WASHC2C: variants seen among roughly 807,000 people sequenced by gnomAD.
WASHC2C encodes the protein WASH complex subunit 2C, also known as Vaccinia Penetration Factor.
Under a neutral mutation model 142.2 loss-of-function variants are expected in WASHC2C, and 73 were observed. The ratio of observed to expected loss-of-function variants is 0.51; its 90% CI spans 0.43 to 0.62. The LOEUF is 0.62. Among genes scored for constraint, WASHC2C ranks in the 20% least tolerant of loss-of-function variants. WASHC2C has a pLI of 0.00. For synonymous variants in WASHC2C, 337 were observed against 565.5 expected (o/e 0.60, Z 5.73); for missense variants, 969 against 1,531.7 (o/e 0.63, Z 6.13).
intron 20 of WASHC2C, among the ~76,000 whole-genome samples, chr10:45,772,707 C>A (rs1323005861): frequency 6.6e-6 from 1 of 151,862 alleles, no homozygotes; most frequent in Non-Finnish European, 1.5e-5. Context: ...TAGAGTGAGA[C>A]CCTGTCTTAA....
rs2135754095 is a variant in WASHC2C at position 45,786,691 on chromosome 10, A to G, written c.2874+17A>G. 1 of 1,611,820 alleles carries G rather than the reference A, an allele frequency of 6.2e-7. No individual in the cohort carries two copies. The highest frequency in any genetic ancestry group is 1.1e-5 in the South Asian group (1 of 90,982). On this transcript the variant is annotated intron_variant, in intron 27 of 30. Transcript: ENST00000623400. ...AAGATACAAGTAATTAAAACACTGG[A>G]ATCTTCATTGCCTGCCCTGTGGCAT...
At chr10:45,761,911 G>A (rs1554880131) in intron 17 of WASHC2C, among the ~76,000 whole-genome samples, 1 of 152,000 alleles carries the variant, frequency 6.6e-6, no homozygotes. Context: ...AAACCCATGG[G>A]ACTCCGGGGA....
intron 5 of WASHC2C, among the ~76,000 whole-genome samples, chr10:45,742,063 T>G (rs2052140643): frequency 6.6e-6 from 1 of 151,086 alleles, no homozygotes; most frequent in African/African-American, 2.4e-5. Context: ...CCAAAAGTAC[T>G]GGGATTACAG....
chr10:45,785,340 CCA>C (rs1456937010), intron 25 of WASHC2C, among the ~76,000 whole-genome samples, 167 bp from the exon 26 acceptor site: 2 of 152,124 alleles, frequency 1.3e-5, no homozygotes, highest in African/African-American at 4.8e-5. Flanking sequence ...CCTGTGACAG[CCA>C]CAGTCTTCAG....
chr10:45,751,762 G>T (rs1290012323), intron 11 of WASHC2C, among the ~76,000 whole-genome samples: 2 of 152,160 alleles, frequency 1.3e-5, no homozygotes, highest in African/African-American at 4.8e-5. Flanking sequence ...TGGATCATGA[G>T]GTCAGGAGTT....
At position 45,789,341 on chromosome 10, in the gene WASHC2C, G is replaced by C. The variant is rs2058259584; in HGVS notation, c.3558G>C (p.Gln1186His). 6.2e-7 allele frequency: 1 copy of C among 1,611,940 alleles called. No individual in the cohort carries two copies. The highest frequency in any genetic ancestry group is 8.5e-7 in the Non-Finnish European group (1 of 1,179,878). The change falls in exon 29 of 31, where the codon CAG becomes CAC. Residue 1186 changes from glutamine to histidine, a missense_variant. Physicochemically the swap from Gln to His is conservative, Grantham distance 24. Coordinates refer to ENST00000623400, the MANE Select transcript of WASHC2C (RefSeq NM_001330074.2). ...CCAGCAGTGATGATGATCTCTTTCA[G>C]TCTGCTAAACCAAAACCAGCAAAGA... ...GEASSDDDLFQSAKPKPAKKT... is the reference protein window; with the variant it reads ...GEASSDDDLFHSAKPKPAKKT...
intron 27 of WASHC2C, 43 bp downstream of exon 27, chr10:45,786,717 C>G (rs2058070799): frequency 1.2e-6 from 2 of 1,611,510 alleles, no homozygotes; most frequent in East Asian, 4.5e-5. Flanking sequence ...CCTGTGGCAT[C>G]TATAAACTTT....
intron 28 of WASHC2C, among the ~76,000 whole-genome samples, chr10:45,787,998 T>C (rs1332755879): frequency 7.2e-5 from 11 of 152,262 alleles, no homozygotes; most frequent in Admixed American, 3.9e-4. Context: ...TGCAAGTAAG[T>C]GACAGGACAC....
chr10:45,763,063 A>G (rs1228132098), intron 17 of WASHC2C, among the ~76,000 whole-genome samples: 4 of 151,878 alleles, frequency 2.6e-5, no homozygotes, highest in Non-Finnish European at 4.4e-5. Context: ...CCATGCTTAT[A>G]TATTTATTTT....
chr10:45,746,559 T>C (rs2052859996), intron 7 of WASHC2C, 41 bp from the exon 8 acceptor site: 1 of 1,607,144 alleles, frequency 6.2e-7, no homozygotes, highest in Non-Finnish European at 8.5e-7. Flanking sequence ...TGCTTCTAAG[T>C]AAAGCCCATT....
chr10:45,784,271 T>TATATATATATATATACACACACAC (rs1564819734), intron 23 of WASHC2C, among the ~76,000 whole-genome samples: 351 of 8,682 alleles, frequency 0.04, 17 homozygotes, highest in Non-Finnish European at 0.1. Context: ...TATATATATA[T>TATATATATATATATACACACACAC]ATATATATAT....
intron 3 of WASHC2C, among the ~76,000 whole-genome samples, chr10:45,736,457 G>A (rs1349382601): frequency 2.1e-5 from 3 of 144,886 alleles, no homozygotes; most frequent in African/African-American, 5.1e-5. Context: ...CAAATTAGCC[G>A]GGTGTGGTGG....
intron 23 of WASHC2C, among the ~76,000 whole-genome samples, chr10:45,784,285 T>TACACAC (rs1169022901): frequency 4.7e-3 from 36 of 7,596 alleles, no homozygotes; most frequent in South Asian, 0.035. Flanking sequence ...TATATATATA[T>TACACAC]ATATACACAT....
intron 21 of WASHC2C, among the ~76,000 whole-genome samples, chr10:45,775,100 A>G (rs1377987229): frequency 1.5e-5 from 2 of 132,512 alleles, no homozygotes; most frequent in African/African-American, 5.7e-5. Flanking sequence ...TTTCGTTCAT[A>G]GGCCCGGTTT....
intron 17 of WASHC2C, among the ~76,000 whole-genome samples, chr10:45,762,112 T>A (rs1430232183): frequency 6.6e-6 from 1 of 151,968 alleles, no homozygotes; most frequent in Non-Finnish European, 1.5e-5. Flanking sequence ...AGGGAATAGA[T>A]GTCCCATTTT....
intron 20 of WASHC2C, among the ~76,000 whole-genome samples, chr10:45,771,203 A>G (rs1176638207): frequency 6.6e-6 from 1 of 151,874 alleles, no homozygotes; most frequent in Non-Finnish European, 1.5e-5. Context: ...CGTCTCTACT[A>G]AAAATACAAA....
chr10:45,763,263 C>T (rs1297683664), intron 17 of WASHC2C, 125 bp from the exon 18 acceptor site: 9 of 593,152 alleles, frequency 1.5e-5, no homozygotes, highest in Non-Finnish European at 2.8e-5. Context: ...AGCCACCTTC[C>T]CTCTCAGGAA....
Position 45,789,223 on chromosome 10 carries a change from G to C in WASHC2C, c.3440G>C (p.Arg1147Thr). Reference sequence around the variant, plus strand: ...GGCACTGGATCTCAGTCCGTGGAGAGAACAAAACCCAAGGCAAAGATAGCA... The same window carrying C: ...GGCACTGGATCTCAGTCCGTGGAGACAACAAAACCCAAGGCAAAGATAGCA... ...STGTGSQSVE[R>T]TKPKAKIAEN... The change falls in exon 29 of 31, where the codon AGA (arginine) becomes ACA (threonine). Residue 1147 changes from arginine to threonine, a missense_variant. Arg to Thr is a moderately conservative substitution (Grantham distance 71). Coordinates refer to ENST00000623400, the MANE Select transcript of WASHC2C (RefSeq NM_001330074.2). The C allele has an allele frequency of 6.2e-7, 1 of 1,612,050 alleles. No homozygotes were observed. Among genetic ancestry groups the C allele is most frequent in the Non-Finnish European group, 8.5e-7 (1 of 1,179,868 alleles).
chr10:45,773,515 G>A (rs1334178597), intron 21 of WASHC2C, among the ~76,000 whole-genome samples, 157 bp downstream of exon 21: 1 of 152,274 alleles, frequency 6.6e-6, no homozygotes, highest in African/African-American at 2.4e-5. Flanking sequence ...CTGATTAATA[G>A]TATTCTACAG....
Sources: gnomAD v4.1 joint callset for allele counts (sites outside exome capture counted in the v4.1 genomes callset) on GRCh38, gnomAD v4.1.1 for gene constraint, MANE v1.5 for transcripts, NCBI Gene and HGNC (gene_info 2026-07-23, HGNC 2026-07-21) for gene names.